TANGO6: variants seen among roughly 807,000 people sequenced by gnomAD.
TANGO6 encodes transport and golgi organization 6 homolog.
A neutral mutation model predicts 114.2 loss-of-function variants in TANGO6; 90 were observed. That is an observed-to-expected ratio of 0.79 (90% CI 0.66 to 0.94). The LOEUF is 0.94. Ranked by LOEUF, TANGO6 falls within the 40% of genes least tolerant of loss-of-function variation. The pLI is 0.00. For synonymous variants in TANGO6, 477 were observed against 509.8 expected, an observed-to-expected ratio of 0.94 and a Z score of 0.87; for missense variants, 1,274 against 1,315.3, an observed-to-expected ratio of 0.97 and a Z score of 0.49.
intron 2 of TANGO6, among the ~76,000 whole-genome samples, chr16:68,862,706 C>T (rs911766473): frequency 6.6e-6 from 1 of 152,192 alleles, no homozygotes; most frequent in Non-Finnish European, 1.5e-5. Context: ...AGTGAGTTTA[C>T]TCCATCCTCA....
At chr16:68,964,551 A>G (rs978865919) in intron 14 of TANGO6, among the ~76,000 whole-genome samples, 5 of 151,434 alleles carry the variant, frequency 3.3e-5, no homozygotes, top group Non-Finnish European at 5.9e-5. Context: ...ACAGTTATTT[A>G]AAAACATATT....
chr16:68,955,096 G>A (rs1339953096), intron 14 of TANGO6, among the ~76,000 whole-genome samples: 1 of 152,244 alleles, frequency 6.6e-6, no homozygotes, highest in Admixed American at 6.5e-5. Context: ...CACAACTAGG[G>A]ATTACTAAAG....
intron 15 of TANGO6, among the ~76,000 whole-genome samples, chr16:68,991,019 C>T (rs938158755): frequency 1.1e-4 from 16 of 151,936 alleles, no homozygotes; most frequent in Admixed American, 8.5e-4. Context: ...GTGATAAAGA[C>T]AGAAAAAAGA....
intron 4 of TANGO6, among the ~76,000 whole-genome samples, chr16:68,874,142 C>T (rs1467921142): frequency 6.6e-6 from 1 of 152,186 alleles, no homozygotes; most frequent in Non-Finnish European, 1.5e-5. Context: ...TACCAAAGAC[C>T]TGAGAGAGGA....
chr16:68,891,417 A>C (rs1962618159), intron 7 of TANGO6, among the ~76,000 whole-genome samples: 1 of 152,138 alleles, frequency 6.6e-6, no homozygotes, highest in Non-Finnish European at 1.5e-5. Flanking sequence ...CCAAGATTGC[A>C]CCACTTCTTT....
intron 16 of TANGO6, among the ~76,000 whole-genome samples, chr16:69,028,254 C>T (rs981388877): frequency 2.0e-5 from 3 of 152,286 alleles, no homozygotes. Context: ...AGCCACCGCT[C>T]CCGGCCCTCC....
chr16:69,066,483 G>T (rs1960215250), intron 17 of TANGO6, among the ~76,000 whole-genome samples: 1 of 151,920 alleles, frequency 6.6e-6, no homozygotes, highest in South Asian at 2.1e-4. Context: ...TTTTAGTAGA[G>T]ACAGGGTTTC....
chr16:68,866,957 A>G (rs1962187048), intron 3 of TANGO6, 122 bp from the exon 4 acceptor site: 2 of 968,110 alleles, frequency 2.1e-6, no homozygotes, highest in South Asian at 3.8e-5. Context: ...ATAAGTCTGC[A>G]TATCATAGCT....
intron 17 of TANGO6, among the ~76,000 whole-genome samples, chr16:69,055,773 A>C (rs1276631621): frequency 6.6e-6 from 1 of 152,230 alleles, no homozygotes; most frequent in African/African-American, 2.4e-5. Flanking sequence ...CTGGCGTGTC[A>C]CGCCTGTAAT....
chr16:68,977,649 G>A (rs1963777508), intron 15 of TANGO6, among the ~76,000 whole-genome samples: 1 of 151,068 alleles, frequency 6.6e-6, no homozygotes, highest in Non-Finnish European at 1.5e-5. Context: ...GTTGCAGTGA[G>A]CTGGGATTTC....
At position 68,980,409 on chromosome 16, in the gene TANGO6, C is replaced by CTCTCTCTCTA. The variant is rs1408626276; in HGVS notation, c.2842+6242_2842+6243insCTCTCTCTAT. 2.1e-3 allele frequency among the ~76,000 whole-genome samples: 142 copies of CTCTCTCTCTA among 67,970 alleles called. 2 individuals are homozygous for CTCTCTCTCTA. Among genetic ancestry groups the CTCTCTCTCTA allele is most frequent in the East Asian group, 6.1e-3 (15 of 2,466 alleles). 44.6% of individuals were successfully genotyped at this position (67,970 alleles called of 152,430 possible). On this transcript the variant is annotated intron_variant, in intron 15 of 17. Coordinates refer to ENST00000261778, the MANE Select transcript of TANGO6 (RefSeq NM_024562.2). ...TCTCTCTCTCTCTCTCTCTCTCTCTCTATATATATATATATATATATATAT... is the reference window on the plus strand; with the variant it reads ...TCTCTCTCTCTCTCTCTCTCTCTCTCTCTCTCTCTATATATATATATATATATATATATAT...
At chr16:69,027,335 G>A (rs1057116153) in intron 16 of TANGO6, among the ~76,000 whole-genome samples, 1 of 152,054 alleles carries the variant, frequency 6.6e-6, no homozygotes, top group African/African-American at 2.4e-5. Flanking sequence ...TTCAACCTAG[G>A]ATTTTCAGGA....
In TANGO6 at chr16:68,862,977, G is replaced by C. The variant is rs983166605; in HGVS notation, c.768G>C (p.Arg256Ser). The change falls in exon 3 of 18, where the codon AGG (arginine) becomes AGC (serine). Residue 256 changes from arginine to serine, a missense_variant. Physicochemically the swap from Arg to Ser is moderately radical, Grantham distance 110. Coordinates refer to ENST00000261778, the MANE Select transcript of TANGO6 (RefSeq NM_024562.2). ...VLTEEERTLS[R>S]GALRDMLDQV... is the part of the protein sequence containing the mutation. Reference sequence around the variant, plus strand: ...CTGAAGAGGAGAGAACCCTATCCAGGGGGGCCTTGAGAGACATGCTGGATC... The same window carrying C: ...CTGAAGAGGAGAGAACCCTATCCAGCGGGGCCTTGAGAGACATGCTGGATC... The C allele has an allele frequency of 9.4e-6, 15 of 1,599,492 alleles. No homozygotes were observed. Among genetic ancestry groups the C allele is most frequent in the African/African-American group, 1.3e-5 (1 of 74,632 alleles).
In TANGO6 at chr16:68,907,501, G is replaced by C; in HGVS notation, c.1726G>C (p.Glu576Gln). 6.2e-7 allele frequency: 1 copy of C among 1,612,968 alleles called. No homozygotes were observed. Among genetic ancestry groups the C allele is most frequent in the Non-Finnish European group, 8.5e-7 (1 of 1,179,590 alleles). Residue 576 changes from glutamate (E) to glutamine (Q), a missense_variant, in exon 10 of 18, where the codon GAG becomes CAG. Physicochemically the swap from Glu to Gln is conservative, Grantham distance 29. Transcript: ENST00000261778. Reference sequence around the variant, plus strand: ...GGTATCCTCTGAGCAGGGCCGGGTGGAGCATCTCGGGGACTTGCTGTCCCA... The same window carrying C: ...GGTATCCTCTGAGCAGGGCCGGGTGCAGCATCTCGGGGACTTGCTGTCCCA... ...QKVSSEQGRV[E>Q]HLGDLLSHCQ...
chr16:69,057,369 T>C (rs1291608395), intron 17 of TANGO6, among the ~76,000 whole-genome samples: 1 of 151,810 alleles, frequency 6.6e-6, no homozygotes. Flanking sequence ...CAGATCCTTA[T>C]AGTAACCCCA....
At position 69,028,057 on chromosome 16, in the gene TANGO6, T is replaced by G. The variant is rs1407978786; in HGVS notation, c.2994+5078T>G. Among the ~76,000 whole-genome samples the G allele has an allele frequency of 3.3e-5, 5 of 152,208 alleles. 1 individual carries two copies. In the East Asian group the frequency reaches 9.8e-4, roughly 30 times the overall value. ...TCACTGCAACCTCCACCTGCCGGGT[T>G]CAAGTGATTCTCCTGCCTCAGCCTC... On this transcript the variant is annotated intron_variant, in intron 16 of 17. Transcript: ENST00000261778.
chr16:69,049,259 C>T (rs1959909359), intron 17 of TANGO6, among the ~76,000 whole-genome samples: 1 of 152,018 alleles, frequency 6.6e-6, no homozygotes. Context: ...TTCTCCTCTC[C>T]CCCAAGCCCC....
intron 15 of TANGO6, among the ~76,000 whole-genome samples, chr16:68,982,631 T>A (rs974698750): frequency 8.8e-6 from 1 of 114,124 alleles, no homozygotes; most frequent in Admixed American, 8.3e-5. Context: ...TGCCCTGGCC[T>A]TTTTTTTTTT....
At chr16:69,064,746 G>C (rs1202938710) in intron 17 of TANGO6, among the ~76,000 whole-genome samples, 1 of 152,182 alleles carries the variant, frequency 6.6e-6, no homozygotes, top group African/African-American at 2.4e-5. Context: ...AATAATACCT[G>C]CTTCATAGGG....
Sources: gnomAD v4.1 joint callset for allele counts (sites outside exome capture counted in the v4.1 genomes callset) on GRCh38, gnomAD v4.1.1 for gene constraint, MANE v1.5 for transcripts, NCBI Gene and HGNC (gene_info 2026-07-23, HGNC 2026-07-21) for gene names.